LAMA2: variants seen among roughly 807,000 people sequenced by gnomAD.
LAMA2 encodes the protein laminin subunit alpha-2.
Under a neutral mutation model 364.8 loss-of-function variants are expected in LAMA2, and 269 were observed. The observed-to-expected ratio is 0.74, with a 90% confidence interval of 0.67 to 0.82. The LOEUF (loss-of-function observed/expected upper bound fraction) is 0.82. LAMA2 is among the 40% of genes least tolerant of loss of function. The pLI, the probability that LAMA2 is intolerant of heterozygous loss-of-function variation, is 0.00. For synonymous variants in LAMA2, 1,379 were observed against 1,370.6 expected (o/e 1.01, Z -0.14); for missense variants, 3,807 against 3,873.2 (o/e 0.98, Z 0.45).
intron 22 of LAMA2, among the ~76,000 whole-genome samples, chr6:129,309,659 A>C (rs1271453160): frequency 2.0e-5 from 3 of 152,182 alleles, no homozygotes; most frequent in Admixed American, 6.5e-5. Context: ...AAGACATCCT[A>C]ATTTTGAAAT....
intron 4 of LAMA2, among the ~76,000 whole-genome samples, chr6:129,104,034 T>A (rs1229531153): frequency 1.3e-5 from 2 of 152,028 alleles, no homozygotes; most frequent in African/African-American, 4.8e-5. Context: ...TTTTTTTCTT[T>A]CTTCTTTACA....
intron 4 of LAMA2, among the ~76,000 whole-genome samples, chr6:129,098,926 A>C (rs772823281): frequency 6.6e-6 from 1 of 152,190 alleles, no homozygotes; most frequent in African/African-American, 2.4e-5. Context: ...GTGGAACAGT[A>C]ATGTGCAGGA....
chr6:129,160,825 A>G (rs1157140934), intron 8 of LAMA2, among the ~76,000 whole-genome samples: 1 of 151,832 alleles, frequency 6.6e-6, no homozygotes, highest in Non-Finnish European at 1.5e-5. Context: ...TAATTTCCAA[A>G]TATTTGAGCT....
At chr6:129,357,048 A>T (rs557498093) in intron 32 of LAMA2, among the ~76,000 whole-genome samples, 1 of 152,060 alleles carries the variant, frequency 6.6e-6, no homozygotes, top group Non-Finnish European at 1.5e-5. Context: ...TCCCAAATTA[A>T]GATTTCTTCT....
chr6:129,217,047 G>T (rs528995084), intron 12 of LAMA2, among the ~76,000 whole-genome samples: 1 of 152,008 alleles, frequency 6.6e-6, no homozygotes, highest in African/African-American at 2.4e-5. Flanking sequence ...AAATTACCTG[G>T]GTATGGTGGC....
intron 1 of LAMA2, among the ~76,000 whole-genome samples, chr6:128,892,476 ACTT>A (rs1178852657): frequency 6.6e-6 from 1 of 151,974 alleles, no homozygotes; most frequent in East Asian, 1.9e-4. Flanking sequence ...TTTTTTAAAA[ACTT>A]CTTTAATACT....
chr6:129,337,040 T>A (rs780016916), intron 29 of LAMA2, among the ~76,000 whole-genome samples: 1 of 152,224 alleles, frequency 6.6e-6, no homozygotes, highest in Non-Finnish European at 1.5e-5. Flanking sequence ...TTCATTCCTG[T>A]GGCATCTGTT....
chr6:129,456,391 T>C lies in LAMA2; in HGVS notation c.6764T>C (p.Ile2255Thr), dbSNP rs951339046. Residue 2255 changes from isoleucine to threonine, a missense_variant, in exon 48 of 65, where the codon ATT (isoleucine) becomes ACT (threonine). Physicochemically the swap from Ile to Thr is moderately conservative, Grantham distance 89. Around this residue, in one of 3 missense-constraint regions of LAMA2, gnomAD observed 3,333 missense variants for 3,345.7 expected, o/e 1.00. Transcript: ENST00000421865. ...VRALDGPKAS[I>T]VPSTHHSTSP... ...GCCCTGGATGGACCCAAAGCCAGCA[T>C]TGTGCCCAGCACACACCATTCGACG... 6.2e-7 allele frequency: 1 copy of C among 1,613,590 alleles called. No individual in the cohort carries two copies. Among genetic ancestry groups the C allele is most frequent in the Non-Finnish European group, 8.5e-7 (1 of 1,179,638 alleles).
At position 128,980,539 on chromosome 6, in the gene LAMA2, G is replaced by C. The variant is rs543144153; in HGVS notation, c.113-69379G>C. 5.9e-5 allele frequency among the ~76,000 whole-genome samples: 9 copies of C among 152,204 alleles called. No individual in the cohort carries two copies. The South Asian group carries it at 1.7e-3, about 28-fold the overall frequency. ...TGTGGAACATTTCTCATGGAATAAT[G>C]GGTCATATTAGGTTAAGTTTAGGAA... On this transcript the variant is annotated intron_variant, in intron 1 of 64. Transcript: ENST00000421865.
At chr6:129,233,586 T>G (rs1039307637) in intron 12 of LAMA2, among the ~76,000 whole-genome samples, 1 of 152,150 alleles carries the variant, frequency 6.6e-6, no homozygotes, top group Non-Finnish European at 1.5e-5. Flanking sequence ...TTCATCTGCA[T>G]CATCTTCATG....
intron 12 of LAMA2, among the ~76,000 whole-genome samples, chr6:129,219,819 G>A (rs1203935088): frequency 8.8e-6 from 1 of 114,214 alleles, no homozygotes; most frequent in East Asian, 2.9e-4. Context: ...ACACTCTGGG[G>A]ACTGTTGTGG....
intron 40 of LAMA2, among the ~76,000 whole-genome samples, chr6:129,405,621 A>C (rs1170942075): frequency 6.6e-6 from 1 of 152,194 alleles, no homozygotes; most frequent in Non-Finnish European, 1.5e-5. Flanking sequence ...GTGATTTATT[A>C]AATGACTATT....
intron 55 of LAMA2, among the ~76,000 whole-genome samples, chr6:129,484,222 A>G (rs920754054): frequency 2.0e-4 from 30 of 152,228 alleles, no homozygotes; most frequent in African/African-American, 7.2e-4. Flanking sequence ...AGCTCACTGC[A>G]GTTTATAATG....
intron 10 of LAMA2, among the ~76,000 whole-genome samples, chr6:129,187,786 T>A: frequency 6.6e-6 from 1 of 151,854 alleles, no homozygotes; most frequent in Non-Finnish European, 1.5e-5. Context: ...CTAGTGAACA[T>A]TCCATTTGAG....
intron 29 of LAMA2, among the ~76,000 whole-genome samples, chr6:129,337,956 C>G (rs1333517191): frequency 1.3e-5 from 2 of 152,062 alleles, no homozygotes; most frequent in Non-Finnish European, 2.9e-5. Flanking sequence ...CAAAAAGAGG[C>G]TCCTGATTTA....
intron 24 of LAMA2, 67 bp downstream of exon 24, chr6:129,314,865 G>T (rs1583474608): frequency 2.6e-6 from 4 of 1,547,224 alleles, no homozygotes; most frequent in Non-Finnish European, 3.6e-6. Context: ...TTTTAGTCAG[G>T]CACTGAGGGG....
chr6:129,270,421 T>G (rs995713817), intron 16 of LAMA2, among the ~76,000 whole-genome samples: 1 of 152,110 alleles, frequency 6.6e-6, no homozygotes, highest in Non-Finnish European at 1.5e-5. Context: ...TAAGTATGCA[T>G]ATGCTGAAAC....
At chr6:128,895,218 A>G (rs1328458107) in intron 1 of LAMA2, among the ~76,000 whole-genome samples, 1 of 152,184 alleles carries the variant, frequency 6.6e-6, no homozygotes, top group Non-Finnish European at 1.5e-5. Context: ...ATACATATAG[A>G]AATCAAAATC....
At chr6:129,032,239 G>A (rs116875404) in intron 1 of LAMA2, among the ~76,000 whole-genome samples, 5 of 152,296 alleles carry the variant, frequency 3.3e-5, no homozygotes, top group Admixed American at 6.5e-5. Context: ...TGAAGCTTAC[G>A]TTCCAGCAAG....
Sources: gnomAD v4.1 joint callset for allele counts (sites outside exome capture counted in the v4.1 genomes callset) on GRCh38, gnomAD v4.1.1 for gene constraint, gnomAD v4.1.1 regional missense constraint, MANE v1.5 for transcripts, NCBI Gene and HGNC (gene_info 2026-07-23, HGNC 2026-07-21) for gene names.